The following SH3RF1 variants were observed in gnomAD, a reference collection of about 807,000 sequenced individuals.
The protein encoded by SH3RF1 is E3 ubiquitin-protein ligase SH3RF1.
In SH3RF1, 32 loss-of-function variants were observed where a neutral mutation model predicts 74.0. That is an observed-to-expected ratio of 0.43 (90% CI 0.33 to 0.58). SH3RF1 has a LOEUF of 0.58. SH3RF1 is among the 20% of genes least tolerant of loss of function. SH3RF1 has a pLI of 0.05. For missense variants in SH3RF1, 954 were observed against 1,130.9 expected (o/e 0.84, Z 2.24); for synonymous variants, 396 against 439.6 (o/e 0.90, Z 1.24).
intron 4 of SH3RF1, 100 bp downstream of exon 4, chr4:169,155,380 C>A (rs987832434): frequency 7.2e-6 from 6 of 832,064 alleles, no homozygotes; most frequent in Non-Finnish European, 3.9e-6. Context: ...ATTCCTGGTG[C>A]TTTTTGTTGT....
At position 169,227,745 on chromosome 4, in the gene SH3RF1, T is replaced by A. The variant is rs577599535; in HGVS notation, c.393+41075A>T. The stretch of plus-strand genomic sequence containing the variant: ...AGAAAGACCACATTATCTACAACCA[T>A]AGAACAGTGCCCATCGAAGCCAGAC... On this transcript the variant is annotated intron_variant, in intron 2 of 11. Transcript: ENST00000284637. Among the ~76,000 whole-genome samples the A allele has an allele frequency of 7.6e-4, 116 of 152,266 alleles. 1 individual carries two copies. The South Asian group carries it at 0.018, about 24-fold the overall frequency.
chr4:169,204,383 TATA>T (rs1730198034), intron 2 of SH3RF1, among the ~76,000 whole-genome samples: 2 of 152,186 alleles, frequency 1.3e-5, no homozygotes, highest in Non-Finnish European at 2.9e-5. Flanking sequence ...AACATATTTT[TATA>T]ATAATGTCTC....
intron 2 of SH3RF1, among the ~76,000 whole-genome samples, chr4:169,229,448 C>A (rs1730699164): frequency 6.6e-6 from 1 of 150,980 alleles, no homozygotes; most frequent in South Asian, 2.1e-4. Context: ...CACCTGGAAA[C>A]ATAAATTGGT....
At chr4:169,243,801 C>T (rs1410932744) in intron 2 of SH3RF1, among the ~76,000 whole-genome samples, 1 of 152,154 alleles carries the variant, frequency 6.6e-6, no homozygotes, top group Non-Finnish European at 1.5e-5. Context: ...TTTATTTCTT[C>T]TATTTCATGA....
chr4:169,107,466 T>G (rs554597005), intron 10 of SH3RF1, among the ~76,000 whole-genome samples: 4 of 152,306 alleles, frequency 2.6e-5, no homozygotes, highest in Admixed American at 2.0e-4. Context: ...TCCTTCTCCC[T>G]TTCTGCTATA....
intron 2 of SH3RF1, among the ~76,000 whole-genome samples, chr4:169,249,071 C>A (rs1459729916): frequency 6.6e-6 from 1 of 151,836 alleles, no homozygotes; most frequent in African/African-American, 2.4e-5. Flanking sequence ...ACTAAAAATA[C>A]AAAAAAATTA....
rs1202882080 is a variant in SH3RF1, at chr4:169,269,114, G to A, written c.99C>T (p.Cys33=). Residue 33 remains cysteine, a synonymous_variant, in exon 2 of 12, where the codon TGC becomes TGT. Coordinates refer to ENST00000284637, the MANE Select transcript of SH3RF1 (RefSeq NM_020870.4). ...AKVLPCQHTF[C]KRCLLGIVGS... is the part of the protein sequence containing the mutation. ...CTACGATCCCCAGCAAACATCGCTT[G>A]CAAAACGTATGCTGGCAAGGCAAGA... The A allele has an allele frequency of 6.2e-7, 1 of 1,614,142 alleles. No homozygotes were observed. The highest frequency in any genetic ancestry group is 2.2e-5 in the East Asian group (1 of 44,880).
chr4:169,246,892 A>G (rs762146857), intron 2 of SH3RF1, among the ~76,000 whole-genome samples: 2 of 152,276 alleles, frequency 1.3e-5, no homozygotes, highest in Admixed American at 6.5e-5. Context: ...AGACTGCTGT[A>G]GAAAGAAAAA....
chr4:169,235,961 G>A (rs558945403), intron 2 of SH3RF1, among the ~76,000 whole-genome samples: 38 of 152,202 alleles, frequency 2.5e-4, no homozygotes, highest in Non-Finnish European at 4.4e-4. Context: ...GATTATAGGC[G>A]TGAGCCACCG....
chr4:169,258,833 T>C (rs1731230491), intron 2 of SH3RF1, among the ~76,000 whole-genome samples: 1 of 152,236 alleles, frequency 6.6e-6, no homozygotes, highest in Admixed American at 6.5e-5. Flanking sequence ...AGCAGTTATA[T>C]AATTAGGAAT....
intron 2 of SH3RF1, among the ~76,000 whole-genome samples, chr4:169,212,057 C>CT (rs34108534): frequency 0.055 from 2,660 of 48,366 alleles, 186 homozygotes; most frequent in African/African-American, 0.13. Context: ...CTTTTCTTTT[C>CT]TTTTTTTTTT....
At chr4:169,252,895 A>G (rs1561065350) in intron 2 of SH3RF1, among the ~76,000 whole-genome samples, 1 of 152,216 alleles carries the variant, frequency 6.6e-6, no homozygotes, top group Non-Finnish European at 1.5e-5. Context: ...AGGGGAAGTT[A>G]AACAAAAATA....
chr4:169,270,455 A>G (rs1430919162), intron 1 of SH3RF1, among the ~76,000 whole-genome samples: 3 of 151,284 alleles, frequency 2.0e-5, no homozygotes, highest in African/African-American at 7.4e-5. Context: ...AAATCCCTCT[A>G]CACGACTGCG....
chr4:169,217,774 T>C (rs1367479702), intron 2 of SH3RF1, among the ~76,000 whole-genome samples: 1 of 152,114 alleles, frequency 6.6e-6, no homozygotes, highest in Non-Finnish European at 1.5e-5. Flanking sequence ...TTCTGGCTAG[T>C]GATGGTCGCT....
intron 4 of SH3RF1, among the ~76,000 whole-genome samples, chr4:169,151,687 C>G (rs970759246): frequency 2.0e-5 from 3 of 152,198 alleles, no homozygotes; most frequent in African/African-American, 7.2e-5. Flanking sequence ...TGAGGCCACT[C>G]CAACTTCAGG....
chr4:169,181,776 T>C (rs952554662), intron 2 of SH3RF1, among the ~76,000 whole-genome samples: 12 of 152,202 alleles, frequency 7.9e-5, no homozygotes, highest in African/African-American at 2.4e-5. Context: ...TTTGGAACTC[T>C]TCTAAGATTA....
At chr4:169,214,990 T>C (rs1730439843) in intron 2 of SH3RF1, among the ~76,000 whole-genome samples, 1 of 152,216 alleles carries the variant, frequency 6.6e-6, no homozygotes. Flanking sequence ...ACTTCCTGTA[T>C]AATGTTGAAA....
At chr4:169,189,721 C>A (rs1734668235) in intron 2 of SH3RF1, among the ~76,000 whole-genome samples, 1 of 152,204 alleles carries the variant, frequency 6.6e-6, no homozygotes, top group African/African-American at 2.4e-5. Context: ...TAGCTGCGTG[C>A]TCTTGGGCAA....
intron 2 of SH3RF1, among the ~76,000 whole-genome samples, chr4:169,268,509 C>T (rs1731390241): frequency 6.6e-6 from 1 of 152,110 alleles, no homozygotes; most frequent in African/African-American, 2.4e-5. Flanking sequence ...ACCAAATTTC[C>T]ATTTTAAAAT....
Sources: gnomAD v4.1 joint callset for allele counts (sites outside exome capture counted in the v4.1 genomes callset) on GRCh38, gnomAD v4.1.1 for gene constraint, MANE v1.5 for transcripts, NCBI Gene and HGNC (gene_info 2026-07-23, HGNC 2026-07-21) for gene names.